Variants in CORO2B observed in about 807,000 individuals in gnomAD.
The protein encoded by CORO2B is coronin-2B.
In CORO2B, 26 loss-of-function variants were observed where a neutral mutation model predicts 58.8. The observed-to-expected ratio is 0.44, with a 90% CI of 0.32 to 0.61. The LOEUF is 0.61. Ranked by LOEUF, CORO2B falls within the 20% of genes least tolerant of loss-of-function variation. The pLI, the probability that CORO2B is intolerant of heterozygous loss-of-function variation, is 0.04. For synonymous variants in CORO2B, 242 were observed against 253.8 expected, an observed-to-expected ratio of 0.95 and a Z score of 0.44; for missense variants, 460 against 645.1, an observed-to-expected ratio of 0.71 and a Z score of 3.11.
chr15:68,566,508 C>G, the CORO2B span, among the ~76,000 whole-genome samples: 1 of 152,150 alleles, frequency 6.6e-6, no homozygotes, highest in East Asian at 1.9e-4. Context: ...CTGGTTCCTC[C>G]CCTTCCCTCC....
intron 1 of CORO2B, among the ~76,000 whole-genome samples, chr15:68,605,648 A>G (rs1240400157): frequency 6.6e-6 from 1 of 151,952 alleles, no homozygotes; most frequent in East Asian, 1.9e-4. Context: ...TCAAGACTGG[A>G]AAGTGAAGGG....
chr15:68,596,584 C>G (rs1899835584), intron 1 of CORO2B, among the ~76,000 whole-genome samples: 1 of 152,138 alleles, frequency 6.6e-6, no homozygotes, highest in South Asian at 2.1e-4. Context: ...GTGCTAGCTG[C>G]TCACTAATAC....
intron 7 of CORO2B, among the ~76,000 whole-genome samples, 173 bp from the exon 8 acceptor site, chr15:68,715,042 G>C (rs773310924): frequency 5.3e-5 from 8 of 152,002 alleles, no homozygotes; most frequent in Non-Finnish European, 1.2e-4. Context: ...CTCTCCACCC[G>C]CAGTGAGTCC....
chr15:68,721,166 G>A (rs1266629635), intron 11 of CORO2B, among the ~76,000 whole-genome samples: 2 of 122,294 alleles, frequency 1.6e-5, no homozygotes, highest in Non-Finnish European at 3.5e-5. Flanking sequence ...ACAGATGTGA[G>A]CCACCACACC....
chr15:68,616,768 C>T (rs1005808137), intron 1 of CORO2B, among the ~76,000 whole-genome samples: 2 of 151,432 alleles, frequency 1.3e-5, no homozygotes, highest in Admixed American at 6.5e-5. Context: ...GGGAGACAGA[C>T]AGGTGTGTGC....
At chr15:68,528,810 G>A in the CORO2B span, among the ~76,000 whole-genome samples, 8 of 151,436 alleles carry the variant, frequency 5.3e-5, no homozygotes, top group East Asian at 1.9e-4. Flanking sequence ...TTTAAATTAC[G>A]AATTCAATTT....
Position 68,711,031 on chromosome 15 carries a change from C to T in CORO2B, c.483+150C>T, listed in dbSNP as rs74020287. ...TTCATTCATTCATTCATTCGCTACA[C>T]GCAACTGAGCAACTCCTGTGCACCC... is the stretch of plus-strand genomic sequence containing the variant. On this transcript the variant is annotated intron_variant, in intron 4 of 11. Coordinates refer to ENST00000261861, the MANE Select transcript of CORO2B (RefSeq NM_006091.5). The T allele has an allele frequency of 0.012, 11,584 of 927,612 alleles. 722 individuals are homozygous for T. In the African/African-American group the frequency reaches 0.15, roughly 12 times the overall value. 57.5% of individuals were successfully genotyped at this position (927,612 alleles called of 1,614,324 possible).
intron 1 of CORO2B, among the ~76,000 whole-genome samples, chr15:68,584,695 C>T (rs1899508573): frequency 6.6e-6 from 1 of 152,174 alleles, no homozygotes; most frequent in Non-Finnish European, 1.5e-5. Context: ...TGCAGATTCT[C>T]TCTGCGCCCA....
intron 1 of CORO2B, among the ~76,000 whole-genome samples, chr15:68,591,183 G>C (rs1212699144): frequency 1.3e-5 from 2 of 152,232 alleles, no homozygotes; most frequent in South Asian, 2.1e-4. Flanking sequence ...CATGTGCACA[G>C]AACTGTGAAA....
At position 68,640,291 on chromosome 15, in the gene CORO2B, GCCCTCTCCTCT is replaced by G. The variant is rs1901169179; in HGVS notation, c.16-4866_16-4856del. Among the ~76,000 whole-genome samples, 6 of 152,236 alleles carry G rather than the reference GCCCTCTCCTCT, an allele frequency of 3.9e-5. No individual in the cohort carries two copies. In the South Asian group the frequency reaches 1.2e-3, roughly 32 times the overall value. ...AGGTGTGTGCTCACACATTCCCCCT[GCCCTCTCCTCT>G]CCTTTCGCATGCTTTACCAAAGCCA... On this transcript the variant is annotated intron_variant, in intron 1 of 11. Coordinates refer to ENST00000261861, the MANE Select transcript of CORO2B (RefSeq NM_006091.5).
intron 1 of CORO2B, among the ~76,000 whole-genome samples, chr15:68,598,647 G>A (rs191648356): frequency 1.3e-5 from 2 of 152,230 alleles, no homozygotes; most frequent in Admixed American, 6.5e-5. Context: ...CTGCAGCAGC[G>A]TACTCTCCCC....
chr15:68,594,987 A>C (rs1899791592), intron 1 of CORO2B, among the ~76,000 whole-genome samples: 1 of 152,256 alleles, frequency 6.6e-6, no homozygotes, highest in Admixed American at 6.5e-5. Flanking sequence ...GTGAACTATC[A>C]GTCCAGTTCT....
chr15:68,616,624 G>A, intron 1 of CORO2B: 7 of 985,358 alleles, frequency 7.1e-6, no homozygotes, highest in Non-Finnish European at 7.2e-6. Context: ...GGTGAGTACG[G>A]CTGTGTCAGC....
chr15:68,641,607 C>T (rs1901233129), intron 1 of CORO2B: 14 of 985,198 alleles, frequency 1.4e-5, no homozygotes, highest in Middle Eastern at 5.2e-4. Context: ...TGGACTTTGC[C>T]GGGTGGGCTC....
At chr15:68,617,836 C>T (rs1195381079) in intron 1 of CORO2B, among the ~76,000 whole-genome samples, 1 of 152,156 alleles carries the variant, frequency 6.6e-6, no homozygotes, top group Non-Finnish European at 1.5e-5. Flanking sequence ...GAGCCCTGTG[C>T]CTGAATGGGG....
chr15:68,725,585 C>G (rs1488670080), intron 11 of CORO2B, among the ~76,000 whole-genome samples: 1 of 152,076 alleles, frequency 6.6e-6, no homozygotes, highest in Admixed American at 6.5e-5. Context: ...TTGGTCACTC[C>G]TTTTTCAGTG....
chr15:68,543,308 A>G, the CORO2B span, among the ~76,000 whole-genome samples: 3 of 152,176 alleles, frequency 2.0e-5, no homozygotes, highest in Non-Finnish European at 4.4e-5. Context: ...AATTTCCAGA[A>G]CAGTGGTTGG....
intron 8 of CORO2B, among the ~76,000 whole-genome samples, chr15:68,716,537 A>G (rs541257297): frequency 4.7e-4 from 71 of 152,372 alleles, no homozygotes; most frequent in Admixed American, 2.0e-3. Context: ...TCCACTGAGC[A>G]GGAGACAGGC....
At chr15:68,697,830 G>A (rs1892550521) in intron 3 of CORO2B, among the ~76,000 whole-genome samples, 1 of 152,210 alleles carries the variant, frequency 6.6e-6, no homozygotes, top group African/African-American at 2.4e-5. Flanking sequence ...GAGCCCAGTG[G>A]CCAGCACAAG....
Sources: gnomAD v4.1 joint callset for allele counts (sites outside exome capture counted in the v4.1 genomes callset) on GRCh38, gnomAD v4.1.1 for gene constraint, MANE v1.5 for transcripts, NCBI Gene and HGNC (gene_info 2026-07-23, HGNC 2026-07-21) for gene names.